TMEM62: variants seen among roughly 807,000 people sequenced by gnomAD.
The protein encoded by TMEM62 is transmembrane protein 62.
TMEM62 carries 41 observed loss-of-function variants against 70.4 expected under a neutral mutation model. The ratio of observed to expected loss-of-function variants is 0.58; its 90% confidence interval spans 0.45 to 0.76. The LOEUF (loss-of-function observed/expected upper bound fraction) is 0.76. Ranked by LOEUF, TMEM62 falls within the 30% of genes least tolerant of loss-of-function variation. The pLI is 0.00. For missense variants in TMEM62, 688 were observed against 788.5 expected (o/e 0.87, Z 1.53); for synonymous variants, 268 against 291.0 (o/e 0.92, Z 0.80).
chr15:43,172,603 A>G (rs1191445205), intron 11 of TMEM62, among the ~76,000 whole-genome samples: 3 of 152,236 alleles, frequency 2.0e-5, no homozygotes, highest in Admixed American at 6.5e-5. Context: ...TGCTTAAAAC[A>G]TCTAGCACAG....
chr15:43,144,538 T>C (rs921592123), intron 4 of TMEM62, among the ~76,000 whole-genome samples: 2 of 152,212 alleles, frequency 1.3e-5, no homozygotes, highest in African/African-American at 4.8e-5. Flanking sequence ...GTGGACTAAA[T>C]AGGAGGGTCC....
At position 43,135,898 on chromosome 15, in the gene TMEM62, C is replaced by A. The variant is rs2035166454; in HGVS notation, c.430+249C>A. 9.6e-6 allele frequency: 3 copies of A among 312,760 alleles called. No individual in the cohort carries two copies. The Admixed American group carries it at 1.4e-4, about 15-fold the overall frequency. 19.4% of individuals were successfully genotyped at this position (312,760 alleles called of 1,614,324 possible). A position where few individuals can be genotyped will look rare whatever the true frequency, so the allele number is the denominator to read the frequency against. On this transcript the variant is annotated intron_variant, in intron 3 of 13. Coordinates refer to ENST00000260403, the MANE Select transcript of TMEM62 (RefSeq NM_024956.4). ...TTCTTTTTTTATTATTATTATTATACTTTAAGTTCTGGGATACATGTGCAG... is the reference window on the plus strand; with the variant it reads ...TTCTTTTTTTATTATTATTATTATAATTTAAGTTCTGGGATACATGTGCAG...
In TMEM62 at chr15:43,184,521, T is replaced by G; in HGVS notation, c.1867T>G (p.Trp623Gly). 1.9e-6 allele frequency: 3 copies of G among 1,613,488 alleles called. No homozygotes were observed. The highest frequency in any genetic ancestry group is 2.5e-6 in the Non-Finnish European group (3 of 1,180,024). The change falls in exon 14 of 14, where the codon TGG (tryptophan) becomes GGG (glycine). Residue 623 changes from tryptophan to glycine, a missense_variant. Coordinates refer to ENST00000260403, the MANE Select transcript of TMEM62 (RefSeq NM_024956.4). ...LLTPVLIRYV[W>G]TLNSTKFGIF... ...GACACCTGTTCTCATTCGTTATGTG[T>G]GGACACTGAACTCCACCAAGTTTGG... is the stretch of plus-strand genomic sequence containing the variant.
In TMEM62 at chr15:43,184,921, T is replaced by A; in HGVS notation, c.*335T>A. 6.2e-6 allele frequency: 2 copies of A among 323,246 alleles called. No homozygotes were observed. The highest frequency in any genetic ancestry group is 1.1e-5 in the Non-Finnish European group (2 of 174,134). The allele number at this position is 323,246 out of a possible 1,614,324, so 20.0% of individuals were successfully genotyped here. On this transcript the variant is annotated 3_prime_UTR_variant, in exon 14 of 14. Coordinates refer to ENST00000260403, the MANE Select transcript of TMEM62 (RefSeq NM_024956.4). ...AGTGTCTGAGGCCCAGTGTGTTTTT[T>A]AGGGTTACCCCATGTAAAGCACTTA...
At chr15:43,145,163 T>C (rs1392672310) in intron 4 of TMEM62, among the ~76,000 whole-genome samples, 4 of 146,752 alleles carry the variant, frequency 2.7e-5, no homozygotes, top group African/African-American at 5.0e-5. Flanking sequence ...AGAAAAAATA[T>C]AAGTAAAAAT....
intron 9 of TMEM62, among the ~76,000 whole-genome samples, chr15:43,156,463 T>C (rs536194912): frequency 6.6e-6 from 1 of 152,312 alleles, no homozygotes; most frequent in Non-Finnish European, 1.5e-5. Context: ...TTAAGGTCTT[T>C]CATATTAGAA....
chr15:43,171,874 G>A (rs946269578), intron 11 of TMEM62, among the ~76,000 whole-genome samples: 4 of 151,876 alleles, frequency 2.6e-5, no homozygotes, highest in East Asian at 1.9e-4. Flanking sequence ...TGATCCACCC[G>A]CCTCAGCCTC....
chr15:43,184,420 C>T lies in TMEM62; in HGVS notation c.1766C>T (p.Ser589Phe). Residue 589 changes from serine (S) to phenylalanine (F), a missense_variant, in exon 14 of 14, where the codon TCC (serine) becomes TTC (phenylalanine). Ser to Phe is a radical substitution (Grantham distance 155). Coordinates refer to ENST00000260403, the MANE Select transcript of TMEM62 (RefSeq NM_024956.4). ...CTGCTGTACATCTGGCAGGTTTATT[C>T]CTGCTACTTTCTTTATGCAACATAC... The part of the protein sequence containing the change: ...MLLLYIWQVY[S>F]CYFLYATYGT... 1 of 1,614,202 alleles carries T rather than the reference C, an allele frequency of 6.2e-7. No homozygotes were observed. Among genetic ancestry groups the T allele is most frequent in the Non-Finnish European group, 8.5e-7 (1 of 1,180,036 alleles).
At chr15:43,135,712 T>G (rs572108742) in intron 3 of TMEM62, 63 bp downstream of exon 3, 7 of 1,500,706 alleles carry the variant, frequency 4.7e-6, no homozygotes, top group East Asian at 4.7e-5. Context: ...GGAACCTAGA[T>G]TTTCCAACTT....
intron 13 of TMEM62, among the ~76,000 whole-genome samples, chr15:43,182,220 A>G (rs903845875): frequency 6.6e-6 from 1 of 152,216 alleles, no homozygotes; most frequent in Non-Finnish European, 1.5e-5. Flanking sequence ...TACTCACCTA[A>G]TGGAGTTAGT....
intron 3 of TMEM62, among the ~76,000 whole-genome samples, chr15:43,136,908 C>T (rs1268989276): frequency 6.6e-6 from 1 of 152,062 alleles, no homozygotes; most frequent in Non-Finnish European, 1.5e-5. Context: ...ATCACCATAC[C>T]CTGCTAATTT....
intron 9 of TMEM62, among the ~76,000 whole-genome samples, chr15:43,156,452 C>G (rs2038057845): frequency 6.6e-6 from 1 of 152,062 alleles, no homozygotes; most frequent in Admixed American, 6.5e-5. Flanking sequence ...GGGATGAACC[C>G]TTAAGGTCTT....
intron 11 of TMEM62, among the ~76,000 whole-genome samples, chr15:43,177,273 G>C (rs2040855044): frequency 6.6e-6 from 1 of 152,106 alleles, no homozygotes. Flanking sequence ...CTGGCCATCA[G>C]AGAAATGGAA....
Position 43,181,306 on chromosome 15 carries a change from AG to A in TMEM62, c.1605+8del. On this transcript the variant is annotated splice_region_variant and intron_variant, in intron 13 of 13. Transcript: ENST00000260403. ...TATAATTGGAATTCTCCAGGTAAGA[AG>A]TCAGAAAAGCAATTTAAGAACATCT... is the stretch of plus-strand genomic sequence containing the variant. 1 of 1,565,902 alleles carries A rather than the reference AG, an allele frequency of 6.4e-7. No homozygotes were observed. The highest frequency in any genetic ancestry group is 8.8e-7 in the Non-Finnish European group (1 of 1,136,600).
chr15:43,133,304 AT>A, upstream of TMEM62: 1 of 152,952 alleles, frequency 6.5e-6, no homozygotes, highest in Non-Finnish European at 1.5e-5. Flanking sequence ...CACCTGACAC[AT>A]TTGTGAGACA....
chr15:43,157,845 G>A (rs998004166), intron 9 of TMEM62, among the ~76,000 whole-genome samples: 1 of 151,938 alleles, frequency 6.6e-6, no homozygotes, highest in African/African-American at 2.4e-5. Context: ...ATGTTACATA[G>A]ATAGATAGGC....
chr15:43,167,384 T>G (rs1488286555), intron 10 of TMEM62, among the ~76,000 whole-genome samples: 7 of 147,012 alleles, frequency 4.8e-5, no homozygotes, highest in African/African-American at 1.8e-4. Flanking sequence ...GCTGCTGGGC[T>G]GAGGGGCACC....
intron 11 of TMEM62, among the ~76,000 whole-genome samples, chr15:43,177,852 G>GT (rs2040921814): frequency 6.6e-6 from 1 of 151,656 alleles, no homozygotes; most frequent in African/African-American, 2.4e-5. Context: ...CTGTTGTGGG[G>GT]TGGGGTCAGG....
intron 10 of TMEM62, among the ~76,000 whole-genome samples, chr15:43,165,496 G>C (rs2039287154): frequency 6.6e-6 from 1 of 152,122 alleles, no homozygotes; most frequent in Non-Finnish European, 1.5e-5. Context: ...CACTTTGGGA[G>C]GCCGAGGTGG....
Sources: gnomAD v4.1 joint callset for allele counts (sites outside exome capture counted in the v4.1 genomes callset) on GRCh38, gnomAD v4.1.1 for gene constraint, MANE v1.5 for transcripts, NCBI Gene and HGNC (gene_info 2026-07-23, HGNC 2026-07-21) for gene names.